Variants in TTC28 observed in about 807,000 individuals in gnomAD.
TTC28 encodes tetratricopeptide repeat protein 28.
In TTC28, 61 loss-of-function variants were observed where a neutral mutation model predicts 198.0. The observed-to-expected ratio is 0.31, with a 90% CI of 0.25 to 0.38. The LOEUF (loss-of-function observed/expected upper bound fraction) is 0.38. Ranked by LOEUF, TTC28 falls within the 10% of genes least tolerant of loss-of-function variation. The pLI is 1.00. For synonymous variants in TTC28, 1,171 were observed against 1,297.8 expected (o/e 0.90, Z 2.10); for missense variants, 2,678 against 3,164.0 (o/e 0.85, Z 3.69).
At position 27,991,358 on chromosome 22, in the gene TTC28, A is replaced by G. The variant is rs531770064; in HGVS notation, c.5554-546T>C. ...ACAGACCTCTAGACCGCCTGGGTTC[A>G]GGATGCTTTAATATGCAGTGTTCTG... On this transcript the variant is annotated intron_variant, in intron 19 of 22. Coordinates refer to ENST00000397906, the MANE Select transcript of TTC28 (RefSeq NM_001145418.2). 2.0e-5 allele frequency among the ~76,000 whole-genome samples: 3 copies of G among 152,328 alleles called. No individual in the cohort carries two copies. The East Asian group carries it at 5.8e-4, about 29-fold the overall frequency.
chr22:28,506,038 A>G (rs1387993140), intron 2 of TTC28, among the ~76,000 whole-genome samples: 1 of 99,234 alleles, frequency 1.0e-5, no homozygotes, highest in Non-Finnish European at 2.1e-5. Flanking sequence ...TCGTGGCCAG[A>G]CTGCTTCCTT....
chr22:28,194,391 A>T (rs908948740), intron 5 of TTC28, among the ~76,000 whole-genome samples: 4 of 152,202 alleles, frequency 2.6e-5, no homozygotes, highest in African/African-American at 9.7e-5. Flanking sequence ...GCAAGAGCAA[A>T]CACATTCAAA....
At chr22:28,602,729 A>G (rs1333754865) in intron 2 of TTC28, among the ~76,000 whole-genome samples, 1 of 152,160 alleles carries the variant, frequency 6.6e-6, no homozygotes, top group Non-Finnish European at 1.5e-5. Flanking sequence ...TTGACAATGA[A>G]GTATAGTATA....
chr22:28,584,220 C>G (rs2050276848), intron 2 of TTC28, among the ~76,000 whole-genome samples: 1 of 152,130 alleles, frequency 6.6e-6, no homozygotes, highest in Non-Finnish European at 1.5e-5. Context: ...TTTATTTCAA[C>G]ATAATTCCTT....
At chr22:28,607,782 C>T (rs2050757203) in intron 2 of TTC28, among the ~76,000 whole-genome samples, 1 of 152,148 alleles carries the variant, frequency 6.6e-6, no homozygotes, top group South Asian at 2.1e-4. Context: ...GCCTTTCACT[C>T]ATCAAGTTCA....
chr22:28,583,426 C>CT (rs1310490064), intron 2 of TTC28, among the ~76,000 whole-genome samples: 2 of 152,126 alleles, frequency 1.3e-5, no homozygotes, highest in African/African-American at 4.8e-5. Flanking sequence ...AAGCAAATGA[C>CT]TAACAATTCA....
chr22:28,062,910 C>T (rs1009589945), intron 12 of TTC28, among the ~76,000 whole-genome samples: 4 of 152,122 alleles, frequency 2.6e-5, no homozygotes, highest in Non-Finnish European at 4.4e-5. Context: ...TGGTATCAGT[C>T]TTTTCTCTTA....
intron 2 of TTC28, among the ~76,000 whole-genome samples, chr22:28,488,914 C>T (rs962167952): frequency 2.0e-5 from 3 of 152,112 alleles, no homozygotes; most frequent in African/African-American, 4.8e-5. Context: ...GAATAAAAAA[C>T]GAAACCCCAA....
chr22:28,049,073 G>A (rs997144002), intron 12 of TTC28, among the ~76,000 whole-genome samples: 3 of 152,178 alleles, frequency 2.0e-5, no homozygotes, highest in Admixed American at 6.5e-5. Context: ...GCATGGACAG[G>A]TGTGGAGGCA....
chr22:28,610,271 T>C (rs2050798782), intron 2 of TTC28, among the ~76,000 whole-genome samples: 1 of 152,180 alleles, frequency 6.6e-6, no homozygotes, highest in Admixed American at 6.5e-5. Context: ...AGTCCGTCCC[T>C]GACTCCCATG....
chr22:28,378,658 C>T (rs1220062441), intron 2 of TTC28, among the ~76,000 whole-genome samples: 1 of 139,820 alleles, frequency 7.2e-6, no homozygotes, highest in African/African-American at 2.6e-5. Flanking sequence ...AAAACAACAA[C>T]AAAAAAAAAA....
intron 5 of TTC28, among the ~76,000 whole-genome samples, chr22:28,251,573 T>C (rs1930510524): frequency 6.6e-6 from 1 of 152,210 alleles, no homozygotes. Flanking sequence ...AGGATATGTA[T>C]GAATTACTAA....
At chr22:28,333,456 C>G (rs2045648862) in intron 2 of TTC28, among the ~76,000 whole-genome samples, 1 of 152,132 alleles carries the variant, frequency 6.6e-6, no homozygotes, top group Non-Finnish European at 1.5e-5. Context: ...CTATATATCT[C>G]ACATTGCAAC....
chr22:28,531,197 T>C (rs898674926), intron 2 of TTC28, among the ~76,000 whole-genome samples: 2 of 151,800 alleles, frequency 1.3e-5, no homozygotes, highest in African/African-American at 4.8e-5. Context: ...AGGCTCAAAA[T>C]AAAGGAATGG....
intron 2 of TTC28, among the ~76,000 whole-genome samples, chr22:28,507,343 C>T (rs967590330): frequency 3.2e-4 from 48 of 152,096 alleles, no homozygotes; most frequent in African/African-American, 1.1e-3. Context: ...GGAAATAAGA[C>T]AGGCAGACAA....
At chr22:27,991,149 GGA>G (rs1271673113) in intron 19 of TTC28, among the ~76,000 whole-genome samples, 2 of 152,222 alleles carry the variant, frequency 1.3e-5, no homozygotes, top group Non-Finnish European at 2.9e-5. Flanking sequence ...GAGTGAGCCA[GGA>G]AAGGTCCACC....
At chr22:28,658,378 C>T (rs1203959467) in intron 1 of TTC28, among the ~76,000 whole-genome samples, 1 of 152,160 alleles carries the variant, frequency 6.6e-6, no homozygotes, top group Non-Finnish European at 1.5e-5. Context: ...TAGCTGCTAA[C>T]ATGTTTACAA....
At chr22:28,599,827 CA>C (rs1049374176) in intron 2 of TTC28, among the ~76,000 whole-genome samples, 4 of 152,118 alleles carry the variant, frequency 2.6e-5, no homozygotes, top group African/African-American at 9.7e-5. Flanking sequence ...TCTCTGAAAC[CA>C]GAGTAACAAA....
intron 5 of TTC28, among the ~76,000 whole-genome samples, chr22:28,223,995 G>C (rs1200555735): frequency 6.6e-6 from 1 of 152,112 alleles, no homozygotes; most frequent in Non-Finnish European, 1.5e-5. Context: ...ATGATTCTCA[G>C]CTAGGGCAAT....
Sources: gnomAD v4.1 joint callset for allele counts (sites outside exome capture counted in the v4.1 genomes callset) on GRCh38, gnomAD v4.1.1 for gene constraint, MANE v1.5 for transcripts, NCBI Gene and HGNC (gene_info 2026-07-23, HGNC 2026-07-21) for gene names.